The following CNIH3 variants were observed in gnomAD, a reference collection of about 807,000 sequenced individuals.
CNIH3 encodes protein cornichon homolog 3.
Under a neutral mutation model 24.1 loss-of-function variants are expected in CNIH3, and 14 were observed. The observed-to-expected ratio is 0.58, with a 90% CI of 0.38 to 0.91. The LOEUF (loss-of-function observed/expected upper bound fraction) is 0.91, where lower values mean the gene tolerates loss of function less well. CNIH3 is among the 40% of genes least tolerant of loss of function. The probability of loss-of-function intolerance (pLI) is 0.00; values close to 1 mark genes in which losing one functional copy is unlikely to be tolerated. For synonymous variants in CNIH3, 68 were observed against 73.8 expected (o/e 0.92, Z 0.40); for missense variants, 178 against 196.8 (o/e 0.90, Z 0.57).
intron 1 of CNIH3, among the ~76,000 whole-genome samples, chr1:224,659,155 C>G (rs1292636414): frequency 6.6e-6 from 1 of 152,154 alleles, no homozygotes; most frequent in Non-Finnish European, 1.5e-5. Context: ...ATTTCTGGCC[C>G]TGCGTCTCAT....
chr1:224,621,047 G>A (rs184415802), intron 1 of CNIH3, among the ~76,000 whole-genome samples: 2 of 152,204 alleles, frequency 1.3e-5, no homozygotes, highest in Admixed American at 1.3e-4. Flanking sequence ...CAAAGATTCA[G>A]TACTGAATTT....
At chr1:224,737,077 C>T (rs995099459) in intron 5 of CNIH3, among the ~76,000 whole-genome samples, 15 of 152,280 alleles carry the variant, frequency 9.9e-5, no homozygotes, top group Admixed American at 2.0e-4. Flanking sequence ...AGCCTGGGAT[C>T]CACCTCAGTG....
chr1:224,660,950 G>T (rs1356573984), intron 1 of CNIH3, among the ~76,000 whole-genome samples: 1 of 152,204 alleles, frequency 6.6e-6, no homozygotes, highest in Non-Finnish European at 1.5e-5. Context: ...AGTGCATACA[G>T]ATATTTACAT....
chr1:224,692,592 T>C (rs1686985369), intron 3 of CNIH3, among the ~76,000 whole-genome samples: 1 of 152,204 alleles, frequency 6.6e-6, no homozygotes, highest in Non-Finnish European at 1.5e-5. Flanking sequence ...AGCATGGAAA[T>C]AGTGATGCTG....
intron 2 of CNIH3, among the ~76,000 whole-genome samples, chr1:224,527,774 A>G (rs1201534444): frequency 6.6e-6 from 1 of 152,200 alleles, no homozygotes; most frequent in African/African-American, 2.4e-5. Context: ...ATCACTGTAC[A>G]TTAGATGCAT....
chr1:224,738,874 G>A (rs2125253342), intron 5 of CNIH3, among the ~76,000 whole-genome samples: 1 of 152,224 alleles, frequency 6.6e-6, no homozygotes, highest in African/African-American at 2.4e-5. Flanking sequence ...GGCCTTTGCA[G>A]TAGTGATGAT....
intron 1 of CNIH3, among the ~76,000 whole-genome samples, chr1:224,441,863 A>C (rs1356144475): frequency 6.6e-6 from 1 of 152,164 alleles, no homozygotes; most frequent in Non-Finnish European, 1.5e-5. Context: ...TAATAGCCTA[A>C]ATTTTAAAAA....
chr1:224,474,795 A>G (rs1195456650), intron 1 of CNIH3, among the ~76,000 whole-genome samples: 1 of 152,054 alleles, frequency 6.6e-6, no homozygotes, highest in Non-Finnish European at 1.5e-5. Context: ...TGGGAGGCCA[A>G]GGCGGGCAGA....
chr1:224,646,265 G>A (rs1386125826), intron 1 of CNIH3, among the ~76,000 whole-genome samples: 1 of 152,212 alleles, frequency 6.6e-6, no homozygotes, highest in African/African-American at 2.4e-5. Flanking sequence ...GATTAGTTCT[G>A]CCAACCTAAA....
At chr1:224,546,082 T>A (rs536581782) in intron 2 of CNIH3, among the ~76,000 whole-genome samples, 1 of 152,264 alleles carries the variant, frequency 6.6e-6, no homozygotes, top group Admixed American at 6.5e-5. Context: ...ATTACCTCTT[T>A]AAATACCTTA....
chr1:224,617,652 TGTCA>T, intron 1 of CNIH3, among the ~76,000 whole-genome samples: 1 of 152,312 alleles, frequency 6.6e-6, no homozygotes, highest in East Asian at 1.9e-4. Context: ...ACATTTAAAA[TGTCA>T]GCATCTGTGG....
chr1:224,617,873 A>AGTCAC (rs1203090098), intron 1 of CNIH3, among the ~76,000 whole-genome samples: 10 of 152,264 alleles, frequency 6.6e-5, no homozygotes, highest in African/African-American at 2.4e-4. Flanking sequence ...CATGGAGGAA[A>AGTCAC]GTCACGAAGA....
chr1:224,588,968 GTT>G (rs974335950), downstream of CNIH3, among the ~76,000 whole-genome samples: 28 of 112,286 alleles, frequency 2.5e-4, no homozygotes, highest in South Asian at 5.0e-3. Flanking sequence ...CTGACCCCCT[GTT>G]TTTTTTTTTT....
At chr1:224,511,049 G>A (rs532259659), upstream of CNIH3, among the ~76,000 whole-genome samples, 4 of 152,346 alleles carry the variant, frequency 2.6e-5, no homozygotes, top group Non-Finnish European at 5.9e-5. Flanking sequence ...TTTCAGATGA[G>A]GCTTAATGTG....
chr1:224,650,604 G>C (rs1488130804), intron 1 of CNIH3, among the ~76,000 whole-genome samples: 1 of 152,066 alleles, frequency 6.6e-6, no homozygotes, highest in East Asian at 1.9e-4. Context: ...TGGTGGGGGT[G>C]GAGGGGTGGG....
At chr1:224,548,993 C>T (rs1333804293) in intron 3 of CNIH3, among the ~76,000 whole-genome samples, 1 of 152,010 alleles carries the variant, frequency 6.6e-6, no homozygotes, top group African/African-American at 2.4e-5. Context: ...TGTGTGTACA[C>T]CCTGTGTGTA....
intron 3 of CNIH3, among the ~76,000 whole-genome samples, chr1:224,549,208 C>A (rs1679821099): frequency 6.6e-6 from 1 of 152,044 alleles, no homozygotes. Flanking sequence ...AGTGTGTACA[C>A]ACACACTGGA....
At chr1:224,545,858 GGCTTCACT>G (rs1257418127) in intron 2 of CNIH3, among the ~76,000 whole-genome samples, 5 of 152,272 alleles carry the variant, frequency 3.3e-5, no homozygotes, top group Admixed American at 6.5e-5. Flanking sequence ...CGGACTGGGT[GGCTTCACT>G]ATAGAAACGG....
chr1:224,452,642 T>C (rs763679692), intron 1 of CNIH3, among the ~76,000 whole-genome samples: 45 of 150,590 alleles, frequency 3.0e-4, no homozygotes, highest in East Asian at 6.0e-4. Context: ...ATTAGCCAGG[T>C]GTGGTGATGG....
Sources: gnomAD v4.1 joint callset for allele counts (sites outside exome capture counted in the v4.1 genomes callset) on GRCh38, gnomAD v4.1.1 for gene constraint, MANE v1.5 for transcripts, NCBI Gene and HGNC (gene_info 2026-07-23, HGNC 2026-07-21) for gene names.